SNX16: variants seen among roughly 807,000 people sequenced by gnomAD.
The protein encoded by SNX16 is sorting nexin-16.
In SNX16, 35 loss-of-function variants were observed where a neutral mutation model predicts 36.7. That is an observed-to-expected ratio of 0.95 (90% CI 0.73 to 1.27). The LOEUF (loss-of-function observed/expected upper bound fraction) is 1.27. Ranked by LOEUF, SNX16 falls within the 50% of genes most tolerant of loss-of-function variation. The probability of loss-of-function intolerance (pLI) is 0.00; values close to 1 mark genes in which losing one functional copy is unlikely to be tolerated. For missense variants in SNX16, 367 were observed against 393.6 expected (o/e 0.93, Z 0.57); for synonymous variants, 134 against 132.0 (o/e 1.02, Z -0.10).
intron 2 of SNX16, among the ~76,000 whole-genome samples, chr8:81,834,032 T>C (rs1394705153): frequency 6.6e-6 from 1 of 152,198 alleles, no homozygotes; most frequent in Non-Finnish European, 1.5e-5. Context: ...ATGAGTGTAT[T>C]AGTCCATTTC....
intron 2 of SNX16, among the ~76,000 whole-genome samples, 179 bp downstream of exon 2, chr8:81,839,433 T>G: frequency 6.6e-6 from 1 of 152,188 alleles, no homozygotes; most frequent in East Asian, 1.9e-4. Context: ...TTGTGAAAAT[T>G]TATTAAGGTA....
chr8:81,808,629 G>A lies in SNX16; in HGVS notation c.682-5401C>T, dbSNP rs1175691191. The A allele has an allele frequency of 1.5e-5, 14 of 936,616 alleles. 1 individual carries two copies. Among genetic ancestry groups the A allele is most frequent in the Admixed American group, 3.4e-5 (2 of 59,000 alleles). 58.0% of individuals were successfully genotyped at this position (936,616 alleles called of 1,614,324 possible). A position where few individuals can be genotyped will look rare whatever the true frequency, so the allele number is the denominator to read the frequency against. Reference sequence around the variant, plus strand: ...GGGAAACTTTGGAGGCAGAAGCTCTGGCCCCCATGGTGGTGGAGGCCAATA... The same window carrying A: ...GGGAAACTTTGGAGGCAGAAGCTCTAGCCCCCATGGTGGTGGAGGCCAATA... On this transcript the variant is annotated intron_variant, in intron 5 of 7. Transcript: ENST00000345957.
intron 4 of SNX16, 136 bp downstream of exon 4, chr8:81,823,656 T>C (rs1262924267): frequency 3.0e-6 from 2 of 659,410 alleles, no homozygotes; most frequent in African/African-American, 3.8e-5. Flanking sequence ...CTTGTAGTAC[T>C]TTGTTAAAGA....
intron 5 of SNX16, among the ~76,000 whole-genome samples, chr8:81,809,098 A>C (rs945722340): frequency 1.3e-5 from 2 of 152,002 alleles, no homozygotes; most frequent in African/African-American, 4.8e-5. Context: ...GTCTACTCTG[A>C]AGCCATCTTG....
At chr8:81,807,454 C>T (rs530219740) in intron 5 of SNX16, among the ~76,000 whole-genome samples, 4 of 131,636 alleles carry the variant, frequency 3.0e-5, no homozygotes, top group Non-Finnish European at 4.6e-5. Context: ...CGGAGGCAGA[C>T]GTTGCAGTGA....
chr8:81,808,764 G>A (rs1810090504), intron 5 of SNX16: 3 of 1,063,804 alleles, frequency 2.8e-6, no homozygotes, highest in Non-Finnish European at 4.3e-6. Flanking sequence ...GGAGAGGAGA[G>A]CCAGAGAAGT....
At chr8:81,835,250 A>G (rs1346755073) in intron 2 of SNX16, among the ~76,000 whole-genome samples, 1 of 152,158 alleles carries the variant, frequency 6.6e-6, no homozygotes, top group East Asian at 1.9e-4. Flanking sequence ...TGCACATAGC[A>G]CAGGGACCCT....
chr8:81,828,471 T>C (rs1234820135), intron 3 of SNX16, among the ~76,000 whole-genome samples: 1 of 152,212 alleles, frequency 6.6e-6, no homozygotes, highest in African/African-American at 2.4e-5. Flanking sequence ...TTTTTTACTT[T>C]GGGGTTCACT....
intron 5 of SNX16, among the ~76,000 whole-genome samples, chr8:81,812,821 G>T (rs370796866): frequency 6.6e-6 from 1 of 152,096 alleles, no homozygotes; most frequent in African/African-American, 2.4e-5. Flanking sequence ...TTATTGCACT[G>T]TATTGTTAGG....
intron 4 of SNX16, among the ~76,000 whole-genome samples, chr8:81,823,144 C>T (rs1459455065): frequency 6.6e-6 from 1 of 151,098 alleles, no homozygotes; most frequent in Non-Finnish European, 1.5e-5. Flanking sequence ...AGTTACAGGC[C>T]CAAGTTATCT....
intron 5 of SNX16, among the ~76,000 whole-genome samples, chr8:81,803,708 G>A (rs1677941861): frequency 1.3e-5 from 2 of 151,852 alleles, no homozygotes; most frequent in Non-Finnish European, 2.9e-5. Context: ...TACCAGGATG[G>A]TACAAGAAAT....
chr8:81,836,988 A>T (rs1811521420), intron 2 of SNX16, among the ~76,000 whole-genome samples: 1 of 152,298 alleles, frequency 6.6e-6, no homozygotes, highest in South Asian at 2.1e-4. Flanking sequence ...GGATCTTTGT[A>T]GTTGTCCCAT....
intron 7 of SNX16, 101 bp from the exon 8 acceptor site, chr8:81,801,694 A>AGG: frequency 1.9e-6 from 1 of 518,798 alleles, no homozygotes; most frequent in Non-Finnish European, 3.1e-6. Context: ...ACCTTATAGA[A>AGG]AATTTACATA....
chr8:81,818,789 C>T (rs535471669), intron 4 of SNX16, among the ~76,000 whole-genome samples: 28 of 152,176 alleles, frequency 1.8e-4, no homozygotes, highest in Non-Finnish European at 2.8e-4. Flanking sequence ...CTTCCCCTCA[C>T]GCTTGCTGAA....
intron 5 of SNX16, chr8:81,808,522 G>C (rs1258173983): frequency 1.0e-6 from 1 of 977,362 alleles, no homozygotes; most frequent in Non-Finnish European, 1.6e-6. Context: ...GGTAATGATG[G>C]AAGCAACTTT....
intron 4 of SNX16, among the ~76,000 whole-genome samples, chr8:81,819,694 A>G (rs1030487984): frequency 1.3e-5 from 2 of 152,020 alleles, no homozygotes; most frequent in Non-Finnish European, 2.9e-5. Flanking sequence ...CTCTAAATAA[A>G]TATTTATTGA....
chr8:81,834,036 C>G (rs1178347286), intron 2 of SNX16, among the ~76,000 whole-genome samples: 1 of 152,118 alleles, frequency 6.6e-6, no homozygotes, highest in Non-Finnish European at 1.5e-5. Context: ...GTGTATTAGT[C>G]CATTTCATGC....
At chr8:81,820,236 C>T (rs1311195090) in intron 4 of SNX16, among the ~76,000 whole-genome samples, 2 of 150,890 alleles carry the variant, frequency 1.3e-5, no homozygotes, top group Non-Finnish European at 3.0e-5. Context: ...GAGGGATTTC[C>T]CCCCCTTCCT....
rs569600947 is a variant in SNX16 at position 81,825,558 on chromosome 8, A to G, written c.463-1618T>C. Reference sequence around the variant, plus strand: ...TTGAGAACCATTTTACTACACTACAATTATTATGCATGCCTTAGTCATAGT... The same window carrying G: ...TTGAGAACCATTTTACTACACTACAGTTATTATGCATGCCTTAGTCATAGT... On this transcript the variant is annotated intron_variant, in intron 3 of 7. Transcript: ENST00000345957. Among the ~76,000 whole-genome samples, 5 of 152,318 alleles carry G rather than the reference A, an allele frequency of 3.3e-5. No homozygotes were observed. The South Asian group carries it at 8.3e-4, about 25-fold the overall frequency.
Sources: allele counts gnomAD v4.1 joint callset (sites outside exome capture counted in the v4.1 genomes callset), GRCh38; gene constraint gnomAD v4.1.1; transcripts MANE v1.5; gene names NCBI Gene and HGNC (gene_info 2026-07-23, HGNC 2026-07-21).